HNRNPH1: variants seen among roughly 807,000 people sequenced by gnomAD.
HNRNPH1 encodes the protein heterogeneous nuclear ribonucleoprotein H1.
In HNRNPH1, 4 loss-of-function variants were observed where a neutral mutation model predicts 58.6. That is an observed-to-expected ratio of 0.07 (90% CI 0.03 to 0.16). HNRNPH1 has a LOEUF of 0.16. Ranked by LOEUF, HNRNPH1 falls within the 10% of genes least tolerant of loss-of-function variation. The pLI, the probability that HNRNPH1 is intolerant of heterozygous loss-of-function variation, is 1.00. For missense variants in HNRNPH1, 271 were observed against 564.2 expected (o/e 0.48, Z 5.26); for synonymous variants, 192 against 189.2 (o/e 1.01, Z -0.12).
At chr5:179,614,746 T>C in exon 13 of HNRNPH1, 3 of 662,930 alleles carry the variant, frequency 4.5e-6, no homozygotes, top group Non-Finnish European at 7.7e-6. Flanking sequence ...AATCACAAGC[T>C]TGTATTGCAG....
At chr5:179,625,751 TA>T (rs1477230198), upstream of HNRNPH1, among the ~76,000 whole-genome samples, 1 of 151,216 alleles carries the variant, frequency 6.6e-6, no homozygotes, top group Non-Finnish European at 1.5e-5. Flanking sequence ...CAACTTATAT[TA>T]AAACAAGGTT....
Position 179,621,603 on chromosome 5 carries a change from CA to C in HNRNPH1, c.98-207del, listed in dbSNP as rs571852326. 560 of 573,046 alleles carry C rather than the reference CA, an allele frequency of 9.8e-4. 1 individual carries two copies. In the African/African-American group the frequency reaches 9.8e-3, roughly 10 times the overall value. The allele number at this position is 573,046 out of a possible 1,614,324, so 35.5% of individuals were successfully genotyped here. A position where few individuals can be genotyped will look rare whatever the true frequency, so the allele number is the denominator to read the frequency against. On this transcript the variant is annotated intron_variant, in intron 1 of 12. Transcript: ENST00000356731. ...AGGTGATATATTTCCAACCCATCAACAACATACAATATTCAAAGCAGTTTCA... is the reference window on the plus strand; with the variant it reads ...AGGTGATATATTTCCAACCCATCAACACATACAATATTCAAAGCAGTTTCA...
intron 2 of HNRNPH1, among the ~76,000 whole-genome samples, chr5:179,633,064 G>A (rs1774982202): frequency 6.6e-6 from 1 of 151,546 alleles, no homozygotes; most frequent in Non-Finnish European, 1.5e-5. Context: ...TCACCATGTT[G>A]ATCAAGATGA....
upstream of HNRNPH1, among the ~76,000 whole-genome samples, chr5:179,627,787 T>G (rs531129285): frequency 6.9e-6 from 1 of 145,668 alleles, no homozygotes; most frequent in Non-Finnish European, 1.5e-5. Context: ...CCGGGCATGG[T>G]GGTGGGCGCC....
At chr5:179,622,199 AAC>A (rs1268081337) in intron 1 of HNRNPH1, among the ~76,000 whole-genome samples, 1 of 152,044 alleles carries the variant, frequency 6.6e-6, no homozygotes, top group Non-Finnish European at 1.5e-5. Flanking sequence ...TAGATAAGAA[AAC>A]ACTCTTCAAT....
At chr5:179,631,787 A>G (rs1562372739) in intron 2 of HNRNPH1, among the ~76,000 whole-genome samples, 1 of 151,874 alleles carries the variant, frequency 6.6e-6, no homozygotes, top group Non-Finnish European at 1.5e-5. Flanking sequence ...GCCTGGTGGC[A>G]CATGCCTGTA....
rs754699121 is a variant in HNRNPH1 at position 179,617,983 on chromosome 5, C to T, written c.787+6G>A. ...CTTCAACTGAGAAATTCAATTCTTA[C>T]CTTACCTCTTCCAAATCTATCTGAC... On this transcript the variant is annotated splice_donor_region_variant and intron_variant, in intron 6 of 12. Coordinates refer to ENST00000356731, the Ensembl canonical transcript of HNRNPH1. 10 of 1,613,914 alleles carry T rather than the reference C, an allele frequency of 6.2e-6. No individual in the cohort carries two copies. In the South Asian group the frequency reaches 1.1e-4, roughly 18 times the overall value.
rs151025303 is a variant in HNRNPH1 at position 179,622,446 on chromosome 5, C to T, written c.97+591G>A. On this transcript the variant is annotated intron_variant, in intron 1 of 12. Coordinates refer to ENST00000356731, the Ensembl canonical transcript of HNRNPH1. ...GACACCCGGGCCAGGCGCGGTGGCT[C>T]ACGCCTGTAATCCCAGCATTTTGGG... 7.1e-3 allele frequency among the ~76,000 whole-genome samples: 1,079 copies of T among 152,314 alleles called. 19 individuals carry two copies. The highest frequency in any genetic ancestry group is 0.023 in the African/African-American group (944 of 41,566).
At chr5:179,614,785 A>C in exon 13 of HNRNPH1, 1 of 34,294 alleles carries the variant, frequency 2.9e-5, no homozygotes, top group Non-Finnish European at 7.0e-5. Context: ...TTTCTTAAAG[A>C]AAAAAAAAAA....
chr5:179,617,463 T>G (rs750901213), intron 8 of HNRNPH1, 51 bp downstream of exon 9: 2 of 1,577,136 alleles, frequency 1.3e-6, no homozygotes, highest in African/African-American at 2.7e-5. Context: ...ATTGTAAATG[T>G]TAGTCACACA....
chr5:179,616,326 T>G, intron 10 of HNRNPH1, 108 bp from the exon 12 acceptor site: 1 of 891,544 alleles, frequency 1.1e-6, no homozygotes, highest in Non-Finnish European at 1.9e-6. Flanking sequence ...GATCTTACAT[T>G]ACTGTAACCC....
chr5:179,621,459 G>C, intron 1 of HNRNPH1, 62 bp from the exon 3 acceptor site: 1 of 1,420,080 alleles, frequency 7.0e-7, no homozygotes, highest in Non-Finnish European at 9.8e-7. Context: ...GGGTGACACA[G>C]ATGAAATGTC....
intron 5 of HNRNPH1, 39 bp from the exon 7 acceptor site, chr5:179,618,099 G>A: frequency 6.2e-7 from 1 of 1,613,414 alleles, no homozygotes; most frequent in Non-Finnish European, 8.5e-7. Flanking sequence ...AAAACACCTA[G>A]ACAAAGGAAC....
chr5:179,624,618 C>A, exon 1 of HNRNPH1: 1 of 398,740 alleles, frequency 2.5e-6, no homozygotes, highest in Non-Finnish European at 4.4e-6. Context: ...CCGGGTCACC[C>A]CATGTGCACA....
chr5:179,624,467 G>C (rs1774149008), exon 1 of HNRNPH1: 1 of 398,556 alleles, frequency 2.5e-6, no homozygotes, highest in Admixed American at 4.4e-5. Context: ...TGGGGCCCTG[G>C]CACGAGGAGG....
exon 13 of HNRNPH1, chr5:179,614,929 T>C: frequency 6.5e-6 from 10 of 1,549,786 alleles, no homozygotes; most frequent in Non-Finnish European, 8.7e-6. Flanking sequence ...TCCACTACTG[T>C]AGTAGCTGCT....
chr5:179,616,656 C>T, intron 10 of HNRNPH1: 1 of 580,418 alleles, frequency 1.7e-6, no homozygotes, highest in Non-Finnish European at 3.0e-6. Context: ...TCCCCTCCCC[C>T]AAGACTACTT....
intron 12 of HNRNPH1, chr5:179,615,165 C>A: frequency 2.0e-6 from 1 of 500,080 alleles, no homozygotes; most frequent in Non-Finnish European, 3.6e-6. Flanking sequence ...TTGCCAGACT[C>A]TTGTGCTACC....
At chr5:179,632,753 C>CA in intron 2 of HNRNPH1, among the ~76,000 whole-genome samples, 1 of 92,004 alleles carries the variant, frequency 1.1e-5, no homozygotes, top group African/African-American at 4.1e-5. Context: ...AATCAAATAT[C>CA]TTTTTTTTTT....
Sources: gnomAD v4.1 joint callset for allele counts (sites outside exome capture counted in the v4.1 genomes callset) on GRCh38, gnomAD v4.1.1 for gene constraint, MANE v1.5 for transcripts, NCBI Gene and HGNC (gene_info 2026-07-23, HGNC 2026-07-21) for gene names.